ARK2C: variants seen among roughly 807,000 people sequenced by gnomAD.
ARK2C encodes the protein E3 ubiquitin-protein ligase ARK2C.
At chr18:46,450,159 T>A in the ARK2C span, 1 of 665,836 alleles carries the variant, frequency 1.5e-6, no homozygotes, top group African/African-American at 1.8e-5. Context: ...AAAAGGGACA[T>A]AAGAGCAGGA....
At chr18:46,408,588 G>A in the ARK2C span, among the ~76,000 whole-genome samples, 6 of 152,354 alleles carry the variant, frequency 3.9e-5, no homozygotes, top group Non-Finnish European at 8.8e-5. Flanking sequence ...AGCACATCAT[G>A]GGAACTGTGG....
At chr18:46,352,692 A>T in the ARK2C span, among the ~76,000 whole-genome samples, 1 of 152,194 alleles carries the variant, frequency 6.6e-6, no homozygotes, top group Admixed American at 6.5e-5. Context: ...AGAGCATGAC[A>T]CAGCACTGCA....
At chr18:46,355,830 T>A in the ARK2C span, among the ~76,000 whole-genome samples, 1 of 152,238 alleles carries the variant, frequency 6.6e-6, no homozygotes, top group African/African-American at 2.4e-5. Flanking sequence ...GGCACCCCTG[T>A]GCCTGGAGGA....
At chr18:46,417,517 C>T in the ARK2C span, among the ~76,000 whole-genome samples, 1 of 152,252 alleles carries the variant, frequency 6.6e-6, no homozygotes, top group Non-Finnish European at 1.5e-5. Flanking sequence ...CCAGTTCAGT[C>T]CTCACCTTCT....
chr18:46,336,062 G>C, the ARK2C span: 1 of 985,270 alleles, frequency 1.0e-6, no homozygotes, highest in Non-Finnish European at 1.2e-6. Flanking sequence ...AGGGGGAGTG[G>C]GTGTGTGAGG....
At chr18:46,341,021 G>C in the ARK2C span, among the ~76,000 whole-genome samples, 3 of 152,210 alleles carry the variant, frequency 2.0e-5, no homozygotes, top group African/African-American at 7.2e-5. Context: ...TAGCAGGAGG[G>C]AAGAGTGTGT....
chr18:46,336,654 G>A, the ARK2C span: 2 of 985,262 alleles, frequency 2.0e-6, no homozygotes, highest in Non-Finnish European at 1.2e-6. Flanking sequence ...TAGGATGTAG[G>A]CCATTTCAGA....
At chr18:46,382,622 C>T in the ARK2C span, among the ~76,000 whole-genome samples, 1 of 152,190 alleles carries the variant, frequency 6.6e-6, no homozygotes, top group South Asian at 2.1e-4. Context: ...ACTTAAGTTT[C>T]CCATTTTCCC....
chr18:46,430,813 T>C, the ARK2C span, among the ~76,000 whole-genome samples: 362 of 152,348 alleles, frequency 2.4e-3, 4 homozygotes, highest in African/African-American at 8.5e-3. Context: ...GGATCCAACA[T>C]CTTATTTTCC....
At chr18:46,363,839 G>A in the ARK2C span, among the ~76,000 whole-genome samples, 9 of 152,234 alleles carry the variant, frequency 5.9e-5, no homozygotes, top group Middle Eastern at 3.4e-3. Context: ...AGGGGCCACC[G>A]TTGAGGGTGT....
the ARK2C span, among the ~76,000 whole-genome samples, chr18:46,381,334 C>T: frequency 6.6e-6 from 1 of 152,190 alleles, no homozygotes; most frequent in South Asian, 2.1e-4. Context: ...GAAACAGTGA[C>T]CCATGCCAAG....
At chr18:46,337,580 A>G in the ARK2C span, 2 of 985,014 alleles carry the variant, frequency 2.0e-6, no homozygotes, top group African/African-American at 1.7e-5. Context: ...GTGCATGACG[A>G]CATTGTTACA....
At chr18:46,366,292 CAAAAAAAAAAAAA>C in the ARK2C span, among the ~76,000 whole-genome samples, 2,692 of 54,658 alleles carry the variant, frequency 0.049, 118 homozygotes, top group African/African-American at 0.15. Flanking sequence ...AACTCTGGCT[CAAAAAAAAAAAAA>C]AAAAAAAAAA....
At chr18:46,413,840 C>T in the ARK2C span, among the ~76,000 whole-genome samples, 2 of 152,176 alleles carry the variant, frequency 1.3e-5, no homozygotes, top group South Asian at 2.1e-4. Flanking sequence ...CCCCCTGCCC[C>T]AGCTGCCCAG....
the ARK2C span, chr18:46,456,876 G>A: frequency 4.0e-6 from 2 of 505,240 alleles, no homozygotes; most frequent in Middle Eastern, 5.5e-4. Context: ...AGAGGGAGCT[G>A]GCGGTGCCCA....
the ARK2C span, among the ~76,000 whole-genome samples, chr18:46,450,110 C>T: frequency 2.0e-5 from 3 of 152,162 alleles, no homozygotes; most frequent in African/African-American, 7.2e-5. Flanking sequence ...GTTATTCCTT[C>T]TGGGGCTTGT....
the ARK2C span, among the ~76,000 whole-genome samples, chr18:46,421,112 CTCCG>C: frequency 6.6e-6 from 1 of 152,204 alleles, no homozygotes; most frequent in Admixed American, 6.5e-5. Flanking sequence ...CACTGACCAC[CTCCG>C]TCCTGGGTCT....
the ARK2C span, among the ~76,000 whole-genome samples, chr18:46,366,414 C>A: frequency 6.6e-6 from 1 of 152,012 alleles, no homozygotes. Context: ...CCTCTCCCTT[C>A]TCCGCAAGCC....
At chr18:46,450,177 T>C in the ARK2C span, 22 of 716,696 alleles carry the variant, frequency 3.1e-5, no homozygotes, top group Middle Eastern at 2.4e-4. Context: ...GGAAAGACAA[T>C]AGTTCTGCCC....
Sources: gnomAD v4.1 joint callset for allele counts (sites outside exome capture counted in the v4.1 genomes callset) on GRCh38, gnomAD v4.1.1 for gene constraint, MANE v1.5 for transcripts, NCBI Gene and HGNC (gene_info 2026-07-23, HGNC 2026-07-21) for gene names.